The following TMEM260 variants were observed in gnomAD, a reference collection of about 807,000 sequenced individuals.
The protein encoded by TMEM260 is transmembrane protein 260, also known as protein O-mannosyl-transferase TMEM260.
A neutral mutation model predicts 88.9 loss-of-function variants in TMEM260; 82 were observed. The ratio of observed to expected loss-of-function variants is 0.92; its 90% CI spans 0.77 to 1.11. The LOEUF (loss-of-function observed/expected upper bound fraction) is 1.11. TMEM260 is among the 50% of genes least tolerant of loss of function. The pLI, the probability that TMEM260 is intolerant of heterozygous loss-of-function variation, is 0.00. For missense variants in TMEM260, 902 were observed against 853.4 expected (o/e 1.06, Z -0.71); for synonymous variants, 314 against 309.3 (o/e 1.02, Z -0.16).
rs1353366729 is a variant in TMEM260, at chr14:56,579,998, C to T, written c.84C>T (p.Gly28=). The change falls in exon 1 of 16, where the codon GGC becomes GGT. Residue 28 remains glycine, a synonymous_variant. Transcript: ENST00000261556. ...VGLRRSGGIR[G]GVAVFAAVAA... Reference sequence around the variant, plus strand: ...TGCGGCGCTCCGGGGGCATCCGCGGCGGCGTGGCGGTGTTCGCCGCCGTGG... The same window carrying T: ...TGCGGCGCTCCGGGGGCATCCGCGGTGGCGTGGCGGTGTTCGCCGCCGTGG... 2 of 1,246,374 alleles carry T rather than the reference C, an allele frequency of 1.6e-6. No individual in the cohort carries two copies. Among genetic ancestry groups the T allele is most frequent in the East Asian group, 6.3e-5 (2 of 31,796 alleles). The allele number at this position is 1,246,374 out of a possible 1,614,324, so 77.2% of individuals were successfully genotyped here.
chr14:56,640,217 C>A (rs1457670538), intron 15 of TMEM260, among the ~76,000 whole-genome samples: 1 of 152,176 alleles, frequency 6.6e-6, no homozygotes, highest in East Asian at 1.9e-4. Flanking sequence ...TCCCTGACCC[C>A]CGAGTAGCCT....
intron 4 of TMEM260, 108 bp downstream of exon 4, chr14:56,604,100 G>T (rs1166247052): frequency 3.7e-6 from 4 of 1,079,884 alleles, no homozygotes; most frequent in Non-Finnish European, 3.8e-6. Flanking sequence ...GATTACAGTC[G>T]GGATAATCTA....
intron 14 of TMEM260, 76 bp from the exon 15 acceptor site, chr14:56,636,432 G>GCCTGGAAGATTTAGCTAGC: frequency 8.8e-7 from 1 of 1,137,400 alleles, no homozygotes; most frequent in Non-Finnish European, 1.3e-6. Flanking sequence ...CAGTGGAGAA[G>GCCTGGAAGATTTAGCTAGC]CCTGGAAGAT....
chr14:56,581,642 G>C (rs1885142440), intron 1 of TMEM260, among the ~76,000 whole-genome samples: 1 of 152,212 alleles, frequency 6.6e-6, no homozygotes, highest in South Asian at 2.1e-4. Flanking sequence ...GCCAGGCACT[G>C]TTCCAAGTGC....
intron 14 of TMEM260, among the ~76,000 whole-genome samples, chr14:56,635,157 C>G (rs1888945206): frequency 6.6e-6 from 1 of 152,108 alleles, no homozygotes; most frequent in South Asian, 2.1e-4. Context: ...TTATTTTGAT[C>G]CCCATTTTAT....
intron 15 of TMEM260, among the ~76,000 whole-genome samples, chr14:56,643,408 C>G (rs914069478): frequency 6.6e-6 from 1 of 152,092 alleles, no homozygotes; most frequent in African/African-American, 2.4e-5. Context: ...AAGACAAAAA[C>G]CACATGATTA....
At chr14:56,589,143 A>G (rs1231191513) in intron 3 of TMEM260, among the ~76,000 whole-genome samples, 1 of 152,130 alleles carries the variant, frequency 6.6e-6, no homozygotes, top group Non-Finnish European at 1.5e-5. Flanking sequence ...CTCATCCTTC[A>G]TATGTTCCGG....
intron 1 of TMEM260, among the ~76,000 whole-genome samples, chr14:56,582,456 A>G (rs901003819): frequency 2.0e-5 from 3 of 152,222 alleles, no homozygotes; most frequent in Non-Finnish European, 4.4e-5. Flanking sequence ...GTCTAGTCTA[A>G]TTAATATTGA....
At chr14:56,656,308 A>G in the TMEM260 span, among the ~76,000 whole-genome samples, 1 of 152,014 alleles carries the variant, frequency 6.6e-6, no homozygotes, top group African/African-American at 2.4e-5. Flanking sequence ...GGTCCCAGCT[A>G]CTCAGAAGGC....
In TMEM260 at chr14:56,617,223, A is replaced by G. The variant is rs1487055662; in HGVS notation, c.982A>G (p.Met328Val). 1 of 1,604,332 alleles carries G rather than the reference A, an allele frequency of 6.2e-7. No individual in the cohort carries two copies. The highest frequency in any genetic ancestry group is 1.1e-5 in the South Asian group (1 of 88,788). Reference sequence around the variant, plus strand: ...ATCATTAGTATGGCTTTTTACTGGAATGTTTTGCATTTATTCATTGTTCTT... The same window carrying G: ...ATCATTAGTATGGCTTTTTACTGGAGTGTTTTGCATTTATTCATTGTTCTT... Reference protein sequence around the residue: ...NPSLVWLFTGMFCIYSLFFAW... With the variant: ...NPSLVWLFTGVFCIYSLFFAW... The change falls in exon 9 of 16, where the codon ATG (methionine) becomes GTG (valine). Residue 328 changes from methionine (M) to valine (V), a missense_variant. Physicochemically the swap from Met to Val is conservative, Grantham distance 21. Transcript: ENST00000261556.
chr14:56,652,586 T>C (rs1890225893), downstream of TMEM260, among the ~76,000 whole-genome samples: 1 of 152,080 alleles, frequency 6.6e-6, no homozygotes, highest in African/African-American at 2.4e-5. Flanking sequence ...TGTTTATAAA[T>C]GGAAAATGAT....
chr14:56,606,939 TAGC>T (rs1886948725), intron 5 of TMEM260, among the ~76,000 whole-genome samples: 1 of 152,092 alleles, frequency 6.6e-6, no homozygotes, highest in Non-Finnish European at 1.5e-5. Context: ...AAGGGAAACA[TAGC>T]AGTTGACAGG....
At chr14:56,619,351 T>A (rs1440203582) in intron 10 of TMEM260, 1 of 152,760 alleles carries the variant, frequency 6.5e-6, no homozygotes, top group East Asian at 1.9e-4. Flanking sequence ...TTCTTTTTTT[T>A]TTGTAGAGAC....
intron 14 of TMEM260, among the ~76,000 whole-genome samples, chr14:56,635,352 A>C (rs1348649540): frequency 1.3e-5 from 2 of 152,238 alleles, no homozygotes; most frequent in Admixed American, 1.3e-4. Flanking sequence ...CAATTAGTTA[A>C]GCACTTATTC....
At chr14:56,597,818 C>G (rs945743700) in intron 3 of TMEM260, among the ~76,000 whole-genome samples, 3 of 150,508 alleles carry the variant, frequency 2.0e-5, no homozygotes, top group African/African-American at 7.3e-5. Flanking sequence ...TTATTTTCAA[C>G]AGAGAGAGAG....
At position 56,621,602 on chromosome 14, in the gene TMEM260, A is replaced by T. The variant is rs542639172; in HGVS notation, c.1298A>T (p.Asp433Val). ...AKNLLTSMPH[D>V]AIILLRGDLP... ...AACCTTCTCACCTCTATGCCTCATG[A>T]TGCAATTATCTTACTCAGAGGAGAT... The change falls in exon 11 of 16, where the codon GAT (aspartate) becomes GTT (valine). Residue 433 changes from aspartate to valine, a missense_variant. Asp to Val is a radical substitution (Grantham distance 152). Coordinates refer to ENST00000261556, the MANE Select transcript of TMEM260 (RefSeq NM_017799.4). 1.1e-5 allele frequency: 17 copies of T among 1,613,692 alleles called. No individual in the cohort carries two copies. The East Asian group carries it at 3.3e-4, about 32-fold the overall frequency.
intron 12 of TMEM260, among the ~76,000 whole-genome samples, chr14:56,628,337 G>C (rs1888365028): frequency 6.6e-6 from 1 of 152,166 alleles, no homozygotes; most frequent in Non-Finnish European, 1.5e-5. Flanking sequence ...CAAATATGCA[G>C]TTTGTAAATA....
intron 14 of TMEM260, among the ~76,000 whole-genome samples, chr14:56,635,843 A>AT (rs1357666237): frequency 8.1e-6 from 1 of 124,170 alleles, no homozygotes; most frequent in East Asian, 2.1e-4. Flanking sequence ...TAATGATTGC[A>AT]AATATATATA....
chr14:56,603,850 C>T lies in TMEM260; in HGVS notation c.380C>T (p.Ala127Val), dbSNP rs1195516446. Residue 127 changes from alanine to valine, a missense_variant, in exon 4 of 16, where the codon GCG becomes GTG. Physicochemically the swap from Ala to Val is moderately conservative, Grantham distance 64 (BLOSUM62 0). Coordinates refer to ENST00000261556, the MANE Select transcript of TMEM260 (RefSeq NM_017799.4). ...TCATCTGCTGGAGGAATCCTTGCTG[C>T]GGGGGTGTTTTCATTTTCTCGTCTA... ...SGSSAGGILA[A>V]GVFSFSRLTW... 2.0e-5 allele frequency: 33 copies of T among 1,613,564 alleles called. No homozygotes were observed. The highest frequency in any genetic ancestry group is 2.7e-5 in the African/African-American group (2 of 74,866).
Sources: allele counts gnomAD v4.1 joint callset (sites outside exome capture counted in the v4.1 genomes callset), GRCh38; gene constraint gnomAD v4.1.1; transcripts MANE v1.5; gene names NCBI Gene and HGNC (gene_info 2026-07-23, HGNC 2026-07-21).